PTPRD: variants seen among roughly 807,000 people sequenced by gnomAD.
The protein encoded by PTPRD is protein tyrosine phosphatase receptor type D.
PTPRD carries 34 observed loss-of-function variants against 214.5 expected under a neutral mutation model. The ratio of observed to expected loss-of-function variants is 0.16; its 90% CI spans 0.12 to 0.21. The LOEUF (loss-of-function observed/expected upper bound fraction) is 0.21, where lower values mean the gene tolerates loss of function less well. Among genes scored for constraint, PTPRD ranks in the 10% least tolerant of loss-of-function variants. The pLI, the probability that PTPRD is intolerant of heterozygous loss-of-function variation, is 1.00. For synonymous variants in PTPRD, 1,128 were observed against 845.7 expected (o/e 1.33, Z -5.79); for missense variants, 2,545 against 2,398.7 (o/e 1.06, Z -1.27).
rs373682069 is a variant in PTPRD at position 9,735,602 on chromosome 9, C to T, written c.-325-1031G>A. 2.2e-3 allele frequency among the ~76,000 whole-genome samples: 342 copies of T among 152,186 alleles called. 2 individuals are homozygous for T. Among genetic ancestry groups the T allele is most frequent in the African/African-American group, 8.0e-3 (331 of 41,546 alleles). ...GCTGGACCACTAATTGGTAACAAATCATCCCGAAGGAAGCTATTAATATTC... is the reference window on the plus strand; with the variant it reads ...GCTGGACCACTAATTGGTAACAAATTATCCCGAAGGAAGCTATTAATATTC... On this transcript the variant is annotated intron_variant, in intron 6 of 45. Coordinates refer to ENST00000381196, the MANE Select transcript of PTPRD (RefSeq NM_002839.4).
intron 2 of PTPRD, among the ~76,000 whole-genome samples, chr9:10,491,099 T>C (rs987643556): frequency 3.9e-5 from 6 of 152,198 alleles, no homozygotes; most frequent in Non-Finnish European, 8.8e-5. Flanking sequence ...TTCACAGTTA[T>C]ATACCTGGCC....
rs373700484 is a variant in PTPRD, at chr9:10,089,273, TTTTG to T, written c.-544-55487_-544-55484del. Among the ~76,000 whole-genome samples the T allele has an allele frequency of 8.6e-4, 130 of 151,418 alleles. 2 individuals carry two copies. In the South Asian group the frequency reaches 0.023, roughly 27 times the overall value. On this transcript the variant is annotated intron_variant, in intron 3 of 45. Coordinates refer to ENST00000381196, the MANE Select transcript of PTPRD (RefSeq NM_002839.4). ...ATGATGAATTTCATTTTATGCAAAA[TTTTG>T]TTTATTATATCCCAAGTAAAAATAA... is the stretch of plus-strand genomic sequence containing the variant.
intron 2 of PTPRD, among the ~76,000 whole-genome samples, chr9:10,372,580 G>C (rs1256094150): frequency 6.6e-6 from 1 of 151,810 alleles, no homozygotes; most frequent in Non-Finnish European, 1.5e-5. Flanking sequence ...TATTACCTTT[G>C]CATTGCTGCC....
At chr9:8,511,800 T>C (rs1166799658) in intron 21 of PTPRD, among the ~76,000 whole-genome samples, 2 of 152,096 alleles carry the variant, frequency 1.3e-5, no homozygotes, top group Non-Finnish European at 2.9e-5. Flanking sequence ...CACAAGGAAA[T>C]AGAAATGTGA....
intron 21 of PTPRD, among the ~76,000 whole-genome samples, chr9:8,513,347 G>A (rs1217274279): frequency 6.6e-6 from 1 of 151,856 alleles, no homozygotes; most frequent in Non-Finnish European, 1.5e-5. Flanking sequence ...CTTCACTTAT[G>A]TCCATCTGTG....
chr9:10,268,166 T>C (rs1422390297), intron 3 of PTPRD, among the ~76,000 whole-genome samples: 3 of 150,384 alleles, frequency 2.0e-5, no homozygotes, highest in Non-Finnish European at 3.0e-5. Flanking sequence ...AGTGTGCTTG[T>C]TTAGTCTTAG....
chr9:8,631,936 G>T (rs1045256958), intron 14 of PTPRD, among the ~76,000 whole-genome samples: 2 of 151,864 alleles, frequency 1.3e-5, no homozygotes, highest in Non-Finnish European at 2.9e-5. Context: ...TGTCATAACA[G>T]CCAGAAATGT....
At chr9:10,120,616 G>C (rs1396939634) in intron 3 of PTPRD, among the ~76,000 whole-genome samples, 1 of 151,608 alleles carries the variant, frequency 6.6e-6, no homozygotes, top group African/African-American at 2.4e-5. Flanking sequence ...AATATGTTAG[G>C]TTTTCAAAAA....
intron 8 of PTPRD, among the ~76,000 whole-genome samples, chr9:9,482,779 G>A (rs938902074): frequency 6.6e-6 from 1 of 152,122 alleles, no homozygotes; most frequent in African/African-American, 2.4e-5. Flanking sequence ...AGACAATTAA[G>A]GCTCCTCCTT....
At chr9:10,281,435 T>A (rs1212858654) in intron 3 of PTPRD, among the ~76,000 whole-genome samples, 1 of 151,572 alleles carries the variant, frequency 6.6e-6, no homozygotes, top group Non-Finnish European at 1.5e-5. Context: ...CTTTGCTTTA[T>A]GGAAATGTCC....
At chr9:10,433,846 A>C (rs1348722420) in intron 2 of PTPRD, among the ~76,000 whole-genome samples, 1 of 151,878 alleles carries the variant, frequency 6.6e-6, no homozygotes, top group Non-Finnish European at 1.5e-5. Context: ...TATAAAGTGA[A>C]TAAAGGAATC....
At chr9:8,977,306 C>G (rs550211362) in intron 11 of PTPRD, among the ~76,000 whole-genome samples, 107 of 152,212 alleles carry the variant, frequency 7.0e-4, no homozygotes, top group African/African-American at 2.5e-3. Flanking sequence ...TGGATCCTAT[C>G]ATCCCTAATC....
chr9:10,121,966 G>A (rs1250298230), intron 3 of PTPRD, among the ~76,000 whole-genome samples: 8 of 152,134 alleles, frequency 5.3e-5, no homozygotes, highest in Non-Finnish European at 1.0e-4. Flanking sequence ...CTCACACTCA[G>A]TGTATTTCTG....
At chr9:8,583,118 A>G (rs556335981) in intron 14 of PTPRD, among the ~76,000 whole-genome samples, 2 of 152,310 alleles carry the variant, frequency 1.3e-5, no homozygotes, top group Non-Finnish European at 2.9e-5. Context: ...ATTCTCATAA[A>G]GAGTGCACCA....
chr9:10,481,656 T>C lies in PTPRD; in HGVS notation c.-600+130742A>G, dbSNP rs541218310. Among the ~76,000 whole-genome samples, 9 of 152,330 alleles carry C rather than the reference T, an allele frequency of 5.9e-5. No individual in the cohort carries two copies. In the South Asian group the frequency reaches 1.9e-3, roughly 32 times the overall value. ...AAAGAAGTCATGACAGCCATGAACT[T>C]ATTGTAAATACTCAGCCCATAATCA... On this transcript the variant is annotated intron_variant, in intron 2 of 45. Transcript: ENST00000381196.
chr9:8,891,015 G>A (rs1412611124), intron 11 of PTPRD, among the ~76,000 whole-genome samples: 3 of 152,076 alleles, frequency 2.0e-5, no homozygotes, highest in African/African-American at 7.2e-5. Flanking sequence ...TGGGGTTTTT[G>A]AAGTGAATTG....
chr9:9,618,464 G>C (rs550777408), intron 7 of PTPRD, among the ~76,000 whole-genome samples: 1 of 152,218 alleles, frequency 6.6e-6, no homozygotes, highest in East Asian at 1.9e-4. Flanking sequence ...TAGATGAGAA[G>C]AGTTGAGAAC....
intron 34 of PTPRD, among the ~76,000 whole-genome samples, chr9:8,446,435 A>G (rs2095729020): frequency 6.6e-6 from 1 of 152,232 alleles, no homozygotes; most frequent in African/African-American, 2.4e-5. Context: ...TTACCTTCTG[A>G]AAGGCCTACT....
intron 8 of PTPRD, among the ~76,000 whole-genome samples, chr9:9,549,970 T>A (rs2079790300): frequency 6.6e-6 from 1 of 152,070 alleles, no homozygotes; most frequent in African/African-American, 2.4e-5. Flanking sequence ...ATAATTGGAC[T>A]AATTTTTAGT....
Sources: allele counts gnomAD v4.1 joint callset (sites outside exome capture counted in the v4.1 genomes callset), GRCh38; gene constraint gnomAD v4.1.1; transcripts MANE v1.5; gene names NCBI Gene and HGNC (gene_info 2026-07-23, HGNC 2026-07-21).